ZNF562: variants seen among roughly 807,000 people sequenced by gnomAD.
The protein encoded by ZNF562 is zinc finger protein 562.
In ZNF562, 13 loss-of-function variants were observed where a neutral mutation model predicts 17.5. That is an observed-to-expected ratio of 0.74 (90% CI 0.48 to 1.18). The LOEUF (loss-of-function observed/expected upper bound fraction) is 1.18, where lower values mean the gene tolerates loss of function less well. Ranked by LOEUF, ZNF562 falls within the 50% of genes most tolerant of loss-of-function variation. The pLI, the probability that ZNF562 is intolerant of heterozygous loss-of-function variation, is 0.00. For missense variants in ZNF562, 481 were observed against 498.5 expected, an observed-to-expected ratio of 0.96 and a Z score of 0.33; for synonymous variants, 163 against 165.4, an observed-to-expected ratio of 0.99 and a Z score of 0.11.
At chr19:9,661,656 G>A (rs113942786) in intron 1 of ZNF562, among the ~76,000 whole-genome samples, 16,177 of 152,106 alleles carry the variant, frequency 0.11, 1,226 homozygotes, top group African/African-American at 0.2. Context: ...TTAGCTGGGT[G>A]TGGTGGTGGG....
rs1396248983 is a variant in ZNF562 at position 9,651,596 on chromosome 19, C to T, written c.*1353G>A. ...AGAATGAGGGCAAGCAACACCTGGC[C>T]CACCCAGGGCAGAAAACTGGAAAAC... On this transcript the variant is annotated 3_prime_UTR_variant, in exon 6 of 6. Transcript: ENST00000453372. The T allele has an allele frequency of 6.6e-6, 1 of 152,214 alleles. No homozygotes were observed. The highest frequency in any genetic ancestry group is 1.5e-5 in the Non-Finnish European group (1 of 68,044). The allele number at this position is 152,214 out of a possible 1,614,324, so 9.4% of individuals were successfully genotyped here.
chr19:9,660,665 T>C, intron 2 of ZNF562, 55 bp downstream of exon 2: 1 of 1,593,700 alleles, frequency 6.3e-7, no homozygotes, highest in Non-Finnish European at 8.6e-7. Flanking sequence ...ACTCTTATGT[T>C]GTGGAGGGCG....
rs1385183876 is a variant in ZNF562, at chr19:9,669,730, G to GCACACACACA, written c.-131+5284_-131+5285insTGTGTGTGTG. Among the ~76,000 whole-genome samples, 199 of 86,906 alleles carry GCACACACACA rather than the reference G, an allele frequency of 2.3e-3. 3 individuals are homozygous for GCACACACACA. Among genetic ancestry groups the GCACACACACA allele is most frequent in the African/African-American group, 6.6e-3 (163 of 24,652 alleles). The allele number at this position is 86,906 out of a possible 152,430, so 57.0% of individuals were successfully genotyped here. ...TGCACGCGCGCGAGCGCGCGCGCGC[G>GCACACACACA]CGCGCACACACACACACACACACAC... is the stretch of plus-strand genomic sequence containing the variant. On this transcript the variant is annotated intron_variant, in intron 1 of 5. Coordinates refer to ENST00000453372, the MANE Select transcript of ZNF562 (RefSeq NM_001130031.2).
chr19:9,660,894 A>C lies in ZNF562; in HGVS notation c.-130-20T>G. ...GAGGCCCTGTTCATACCAATCACCA[A>C]ACAACAAGCATCAAACATCAGTCAT... On this transcript the variant is annotated intron_variant, in intron 1 of 5. Transcript: ENST00000453372. 1 of 617,856 alleles carries C rather than the reference A, an allele frequency of 1.6e-6. No individual in the cohort carries two copies. Among genetic ancestry groups the C allele is most frequent in the South Asian group, 2.9e-5 (1 of 34,800 alleles). The allele number at this position is 617,856 out of a possible 1,614,324, so 38.3% of individuals were successfully genotyped here.
intron 1 of ZNF562, among the ~76,000 whole-genome samples, chr19:9,668,754 TA>T (rs938980775): frequency 5.9e-5 from 9 of 151,342 alleles, no homozygotes; most frequent in Non-Finnish European, 1.3e-4. Context: ...GGTACTGACA[TA>T]AAAAAAACAA....
intron 1 of ZNF562, among the ~76,000 whole-genome samples, chr19:9,663,357 G>A (rs900672075): frequency 6.7e-6 from 1 of 149,210 alleles, no homozygotes; most frequent in Non-Finnish European, 1.5e-5. Flanking sequence ...CTTGCAGTAA[G>A]TGAGATTGCG....
chr19:9,665,864 A>G (rs1474361377), intron 1 of ZNF562, among the ~76,000 whole-genome samples: 1 of 151,938 alleles, frequency 6.6e-6, no homozygotes, highest in Non-Finnish European at 1.5e-5. Flanking sequence ...AAAAGTACAA[A>G]AAGTAGCCAG....
At chr19:9,669,721 C>CACGT (rs1342159259) in intron 1 of ZNF562, among the ~76,000 whole-genome samples, 1 of 86,048 alleles carries the variant, frequency 1.2e-5, no homozygotes, top group Non-Finnish European at 2.4e-5. Context: ...CGCGCGAGCG[C>CACGT]GCGCGCGCGC....
chr19:9,657,406 C>CA lies in ZNF562; in HGVS notation c.241+602dup, dbSNP rs553234936. On this transcript the variant is annotated intron_variant, in intron 4 of 5. Coordinates refer to ENST00000453372, the MANE Select transcript of ZNF562 (RefSeq NM_001130031.2). ...GAGACTCCCTCAAAAAAAAAAAAAC[C>CA]AAAAAAAACCAAAAGCAAAACAAAC... is the stretch of plus-strand genomic sequence containing the variant. Among the ~76,000 whole-genome samples, 76 of 146,742 alleles carry CA rather than the reference C, an allele frequency of 5.2e-4. 1 individual carries two copies. The South Asian group carries it at 0.015, about 29-fold the overall frequency.
chr19:9,670,200 T>C (rs2044133267), intron 1 of ZNF562, among the ~76,000 whole-genome samples: 1 of 151,900 alleles, frequency 6.6e-6, no homozygotes, highest in Non-Finnish European at 1.5e-5. Context: ...GATTATGCCA[T>C]GGCACTCTAG....
At position 9,653,750 on chromosome 19, in the gene ZNF562, T is replaced by C; in HGVS notation, c.480A>G (p.Lys160=). The change falls in exon 6 of 6, where the codon AAA becomes AAG. Residue 160 remains lysine, a synonymous_variant. Coordinates refer to ENST00000453372, the MANE Select transcript of ZNF562 (RefSeq NM_001130031.2). The part of the protein sequence containing the change: ...GNTFEGNCYG[K]DSISVHKEAS... ...CTTCCTTGTGCACACTGATGCTGTCTTTTCCATAACAATTACCCTCAAAAG... is the reference window on the plus strand; with the variant it reads ...CTTCCTTGTGCACACTGATGCTGTCCTTTCCATAACAATTACCCTCAAAAG... The C allele has an allele frequency of 6.2e-7, 1 of 1,614,112 alleles. No individual in the cohort carries two copies. Among genetic ancestry groups the C allele is most frequent in the Non-Finnish European group, 8.5e-7 (1 of 1,179,974 alleles).
At position 9,649,931 on chromosome 19, in the gene ZNF562, C is replaced by G. The variant is rs1043749607; in HGVS notation, c.*3018G>C. On this transcript the variant is annotated 3_prime_UTR_variant, in exon 6 of 6. Coordinates refer to ENST00000453372, the MANE Select transcript of ZNF562 (RefSeq NM_001130031.2). ...CACGGAACCTACCGACATGTGATGT[C>G]TGCCCCGGACACCCAGCTTTAAAAT... 2.6e-5 allele frequency: 4 copies of G among 152,168 alleles called. No individual in the cohort carries two copies. Among genetic ancestry groups the G allele is most frequent in the African/African-American group, 9.6e-5 (4 of 41,452 alleles). The allele number at this position is 152,168 out of a possible 1,614,324, so 9.4% of individuals were successfully genotyped here.
Position 9,644,870 on chromosome 19 carries a change from C to A in ZNF562, c.*8079G>T, listed in dbSNP as rs1316919987. ...GATGACATTTGGGTGGGGACACAGC[C>A]AAACCATATCAGCTGGCAACTTGCT... On this transcript the variant is annotated 3_prime_UTR_variant, in exon 6 of 6. Transcript: ENST00000453372. 1 of 152,158 alleles carries A rather than the reference C, an allele frequency of 6.6e-6. No homozygotes were observed. Among genetic ancestry groups the A allele is most frequent in the Non-Finnish European group, 1.5e-5 (1 of 68,046 alleles). 9.4% of individuals were successfully genotyped at this position (152,158 alleles called of 1,614,324 possible).
At chr19:9,668,097 C>T (rs2044019476) in intron 1 of ZNF562, among the ~76,000 whole-genome samples, 1 of 152,084 alleles carries the variant, frequency 6.6e-6, no homozygotes, top group African/African-American at 2.4e-5. Flanking sequence ...ATGCCAGCAC[C>T]AGGCATGATG....
At chr19:9,670,829 C>T (rs1008671812) in intron 1 of ZNF562, among the ~76,000 whole-genome samples, 23 of 151,922 alleles carry the variant, frequency 1.5e-4, no homozygotes, top group Admixed American at 1.1e-3. Context: ...AAAACCCCGT[C>T]TCTACTAAAA....
chr19:9,660,737 G>C lies in ZNF562; in HGVS notation c.8C>G (p.Ala3Gly). 1 of 1,613,632 alleles carries C rather than the reference G, an allele frequency of 6.2e-7. No homozygotes were observed. The highest frequency in any genetic ancestry group is 8.5e-7 in the Non-Finnish European group (1 of 1,179,736). Residue 3 changes from alanine (A) to glycine (G), a missense_variant, in exon 2 of 6, where the codon GCC becomes GGC. Around this residue, in one of 2 missense-constraint regions of ZNF562, gnomAD observed 403 missense variants for 386.4 expected, o/e 1.04. Coordinates refer to ENST00000453372, the MANE Select transcript of ZNF562 (RefSeq NM_001130031.2). Reference sequence around the variant, plus strand: ...GGACTTACCATGGGACATATCAAAGGCTGACATCCTCTGAAGCTGATGGTG... The same window carrying C: ...GGACTTACCATGGGACATATCAAAGCCTGACATCCTCTGAAGCTGATGGTG... MSAFDMSHGFFPR... is the reference protein window; with the variant it reads MSGFDMSHGFFPR...
In ZNF562 at chr19:9,643,763, T is replaced by C. The variant is rs1360268047; in HGVS notation, c.*9186A>G. On this transcript the variant is annotated 3_prime_UTR_variant, in exon 6 of 6. Coordinates refer to ENST00000453372, the MANE Select transcript of ZNF562 (RefSeq NM_001130031.2). The stretch of plus-strand genomic sequence containing the variant: ...GTAATCCTTTTGCCTCCTTTCAAAG[T>C]GTTGAGACTCCAGGCATAAGCCACT... The C allele has an allele frequency of 1.3e-5, 2 of 152,048 alleles. No homozygotes were observed. Among genetic ancestry groups the C allele is most frequent in the Non-Finnish European group, 2.9e-5 (2 of 68,004 alleles). 9.4% of individuals were successfully genotyped at this position (152,048 alleles called of 1,614,324 possible).
At position 9,643,187 on chromosome 19, in the gene ZNF562, C is replaced by A. The variant is rs929141482; in HGVS notation, c.*9762G>T. The A allele has an allele frequency of 1.3e-5, 2 of 152,042 alleles. No homozygotes were observed. Among genetic ancestry groups the A allele is most frequent in the Admixed American group, 1.3e-4 (2 of 15,238 alleles). The allele number at this position is 152,042 out of a possible 1,614,324, so 9.4% of individuals were successfully genotyped here. ...TGGCCAACATGGCAAAACCCCGCCTCTACTGAAAATACAAAAATTAGCTGG... is the reference window on the plus strand; with the variant it reads ...TGGCCAACATGGCAAAACCCCGCCTATACTGAAAATACAAAAATTAGCTGG... On this transcript the variant is annotated 3_prime_UTR_variant, in exon 6 of 6. Coordinates refer to ENST00000453372, the MANE Select transcript of ZNF562 (RefSeq NM_001130031.2).
intron 4 of ZNF562, 49 bp from the exon 5 acceptor site, chr19:9,656,702 C>T (rs2043497446): frequency 6.4e-7 from 1 of 1,573,008 alleles, no homozygotes; most frequent in African/African-American, 1.4e-5. Flanking sequence ...GTCATTTGTC[C>T]TTGTTTTCAA....
Sources: allele counts gnomAD v4.1 joint callset (sites outside exome capture counted in the v4.1 genomes callset), GRCh38; gene constraint gnomAD v4.1.1; regional missense constraint gnomAD v4.1.1; transcripts MANE v1.5; gene names NCBI Gene and HGNC (gene_info 2026-07-23, HGNC 2026-07-21).